The following PLEKHG1 variants were observed in gnomAD, a reference collection of about 807,000 sequenced individuals.
The protein encoded by PLEKHG1 is pleckstrin homology and RhoGEF domain containing G1, also known as pleckstrin homology domain-containing family G member 1.
In PLEKHG1, 44 loss-of-function variants were observed where a neutral mutation model predicts 100.8. The ratio of observed to expected loss-of-function variants is 0.44; its 90% CI spans 0.34 to 0.56. The LOEUF is 0.56. PLEKHG1 is among the 20% of genes least tolerant of loss of function. The pLI is 0.01. For synonymous variants in PLEKHG1, 640 were observed against 662.5 expected, an observed-to-expected ratio of 0.97 and a Z score of 0.52; for missense variants, 1,545 against 1,720.9, an observed-to-expected ratio of 0.90 and a Z score of 1.81.
chr6:150,741,172 A>G (rs570915590), intron 2 of PLEKHG1, among the ~76,000 whole-genome samples: 1 of 152,312 alleles, frequency 6.6e-6, no homozygotes, highest in Admixed American at 6.5e-5. Flanking sequence ...TGATATAAAT[A>G]CCTGCTGATT....
At chr6:150,705,677 G>A (rs1045710917) in intron 3 of PLEKHG1, among the ~76,000 whole-genome samples, 2 of 152,212 alleles carry the variant, frequency 1.3e-5, no homozygotes, top group Non-Finnish European at 2.9e-5. Flanking sequence ...ATGAGGATTA[G>A]GGGAAAATGG....
chr6:150,681,502 C>CAAA (rs762515691), intron 3 of PLEKHG1, among the ~76,000 whole-genome samples: 10,316 of 120,746 alleles, frequency 0.085, 468 homozygotes, highest in Non-Finnish European at 0.12. Flanking sequence ...GACTCTGTCT[C>CAAA]AAAAAAAAAA....
chr6:150,687,376 G>C (rs1780177534), intron 3 of PLEKHG1, among the ~76,000 whole-genome samples: 1 of 152,170 alleles, frequency 6.6e-6, no homozygotes, highest in Non-Finnish European at 1.5e-5. Context: ...TGGAATGGGA[G>C]ATGTGGAGAG....
At chr6:150,798,069 A>T (rs1390734264) in intron 5 of PLEKHG1, among the ~76,000 whole-genome samples, 2 of 152,010 alleles carry the variant, frequency 1.3e-5, no homozygotes, top group Non-Finnish European at 2.9e-5. Flanking sequence ...CACTTAAGCA[A>T]TTTTCTCTCT....
intron 4 of PLEKHG1, among the ~76,000 whole-genome samples, chr6:150,794,153 T>A (rs535440373): frequency 2.0e-5 from 3 of 152,174 alleles, no homozygotes; most frequent in African/African-American, 4.8e-5. Flanking sequence ...CACAGTGTGG[T>A]TTCTTCAACT....
intron 4 of PLEKHG1, among the ~76,000 whole-genome samples, chr6:150,789,884 T>G (rs372413401): frequency 4.3e-4 from 66 of 152,308 alleles, no homozygotes; most frequent in Non-Finnish European, 6.3e-4. Context: ...TGAACTCAAG[T>G]GCACAAAGGG....
chr6:150,822,150 CAAAAAAAAA>C (rs58672381), intron 13 of PLEKHG1, among the ~76,000 whole-genome samples: 26 of 36,738 alleles, frequency 7.1e-4, no homozygotes, highest in Middle Eastern at 0.026. Flanking sequence ...CCAAAGGACT[CAAAAAAAAA>C]AAAAAAAAAA....
chr6:150,686,005 G>A (rs1160966183), intron 3 of PLEKHG1, among the ~76,000 whole-genome samples: 1 of 152,200 alleles, frequency 6.6e-6, no homozygotes, highest in Non-Finnish European at 1.5e-5. Context: ...TACAGAGATG[G>A]CCAAGGGATT....
chr6:150,810,535 A>AAAGAAAGAAAGG (rs1562540297), intron 10 of PLEKHG1, among the ~76,000 whole-genome samples: 1 of 127,422 alleles, frequency 7.8e-6, no homozygotes, highest in African/African-American at 3.0e-5. Context: ...AGAAAGAAAG[A>AAAGAAAGAAAGG]AAGGAAGAAA....
intron 1 of PLEKHG1, among the ~76,000 whole-genome samples, chr6:150,622,647 C>T (rs112516245): frequency 1.8e-3 from 277 of 152,288 alleles, no homozygotes; most frequent in African/African-American, 6.3e-3. Context: ...GAACCTCTGA[C>T]GGATCCCCTA....
At chr6:150,816,326 CTTTTTTTTTTTT>C (rs1173343082) in intron 10 of PLEKHG1, among the ~76,000 whole-genome samples, 441 of 41,132 alleles carry the variant, frequency 0.011, 14 homozygotes, top group Non-Finnish European at 0.017. Flanking sequence ...CTCAAACATA[CTTTTTTTTTTTT>C]TTTTTTTTTT....
At chr6:150,724,558 C>CTT (rs34140367) in intron 1 of PLEKHG1, among the ~76,000 whole-genome samples, 7,184 of 100,150 alleles carry the variant, frequency 0.072, 285 homozygotes, top group Admixed American at 0.13. Flanking sequence ...TTTTCTTTTT[C>CTT]TTTTTTTTTT....
chr6:150,607,780 T>C lies in PLEKHG1; in HGVS notation c.-204+7763T>C, dbSNP rs563088163. On this transcript the variant is annotated intron_variant, in intron 1 of 3. Coordinates refer to the PLEKHG1 transcript ENST00000367326. The stretch of plus-strand genomic sequence containing the variant: ...ATTTCTTGATGAGGAATAGCGAGGG[T>C]GGGGCTGCCAGGGTAATGAGATGGT... Among the ~76,000 whole-genome samples, 4 of 152,112 alleles carry C rather than the reference T, an allele frequency of 2.6e-5. No homozygotes were observed. In the South Asian group the frequency reaches 8.3e-4, roughly 32 times the overall value.
At chr6:150,676,847 C>A (rs1779771970) in intron 3 of PLEKHG1, among the ~76,000 whole-genome samples, 1 of 152,190 alleles carries the variant, frequency 6.6e-6, no homozygotes, top group Non-Finnish European at 1.5e-5. Context: ...TCTATGCATA[C>A]CCTGGGAGTG....
chr6:150,611,031 T>C (rs192471707), intron 1 of PLEKHG1, among the ~76,000 whole-genome samples: 30 of 152,340 alleles, frequency 2.0e-4, no homozygotes, highest in Non-Finnish European at 4.3e-4. Context: ...GAGGGCATCA[T>C]AGACCTTTTG....
chr6:150,787,016 G>A (rs890242120), intron 4 of PLEKHG1, among the ~76,000 whole-genome samples: 12 of 137,730 alleles, frequency 8.7e-5, no homozygotes, highest in Admixed American at 1.5e-4. Context: ...GGTGACAAGA[G>A]TGAGACTCTG....
intron 6 of PLEKHG1, among the ~76,000 whole-genome samples, chr6:150,801,732 G>T (rs6911287): frequency 0.39 from 59,263 of 151,438 alleles, 13,094 homozygotes; most frequent in East Asian, 0.7. Context: ...GAGCCACCAC[G>T]CCCGTCCTCA....
At chr6:150,623,073 T>C (rs928919091) in intron 1 of PLEKHG1, among the ~76,000 whole-genome samples, 1 of 152,056 alleles carries the variant, frequency 6.6e-6, no homozygotes. Context: ...TGAGGCCACT[T>C]CTGCTTCTGT....
At position 150,839,953 on chromosome 6, in the gene PLEKHG1, C is replaced by T. The variant is rs200501160; in HGVS notation, c.3215C>T (p.Ser1072Leu). The change falls in exon 16 of 16, where the codon TCA becomes TTA. Residue 1072 changes from serine to leucine, a missense_variant. By Grantham distance (145) the Ser-to-Leu change is moderately radical (BLOSUM62 -2). Transcript: ENST00000358517. The stretch of plus-strand genomic sequence containing the variant: ...GAATCCTCCCTCCTGAGGTCTGTGT[C>T]ACCTTCCCAGGTCCACCATGGTAGT... 3.5e-5 allele frequency: 57 copies of T among 1,613,922 alleles called. No individual in the cohort carries two copies. The highest frequency in any genetic ancestry group is 4.7e-5 in the Non-Finnish European group (56 of 1,179,908).
Sources: allele counts gnomAD v4.1 joint callset (sites outside exome capture counted in the v4.1 genomes callset), GRCh38; gene constraint gnomAD v4.1.1; transcripts MANE v1.5; gene names NCBI Gene and HGNC (gene_info 2026-07-23, HGNC 2026-07-21).